SEC14L1: variants seen among roughly 807,000 people sequenced by gnomAD.
SEC14L1 encodes SEC14-like protein 1.
SEC14L1 carries 48 observed loss-of-function variants against 85.3 expected under a neutral mutation model. The observed-to-expected ratio is 0.56, with a 90% CI of 0.45 to 0.72. The LOEUF (loss-of-function observed/expected upper bound fraction) is 0.72. SEC14L1 is among the 30% of genes least tolerant of loss of function. The pLI, the probability that SEC14L1 is intolerant of heterozygous loss-of-function variation, is 0.00. For synonymous variants in SEC14L1, 391 were observed against 355.5 expected, an observed-to-expected ratio of 1.10 and a Z score of -1.12; for missense variants, 682 against 921.4, an observed-to-expected ratio of 0.74 and a Z score of 3.36.
intron 7 of SEC14L1, among the ~76,000 whole-genome samples, chr17:77,195,645 G>A (rs1398864886): frequency 1.3e-5 from 2 of 151,916 alleles, no homozygotes; most frequent in Admixed American, 6.6e-5. Flanking sequence ...GCACCGCCAC[G>A]CCTGACTAAT....
At chr17:77,121,850 C>T (rs755050388) in intron 3 of SEC14L1, among the ~76,000 whole-genome samples, 16 of 152,224 alleles carry the variant, frequency 1.1e-4, no homozygotes, top group African/African-American at 2.4e-4. Flanking sequence ...TCCAGGCCAA[C>T]GCTGCCTGCA....
At chr17:77,201,363 C>T (rs906662256) in intron 9 of SEC14L1, among the ~76,000 whole-genome samples, 5 of 152,106 alleles carry the variant, frequency 3.3e-5, no homozygotes, top group African/African-American at 9.7e-5. Context: ...CAAGTCCTTG[C>T]AGAACCGAGC....
chr17:77,101,820 AT>A (rs1971784728), intron 3 of SEC14L1, among the ~76,000 whole-genome samples: 1 of 152,200 alleles, frequency 6.6e-6, no homozygotes, highest in Non-Finnish European at 1.5e-5. Context: ...GGTGGTGCTC[AT>A]TTACACGTTG....
Position 77,108,787 on chromosome 17 carries a change from CAAA to C in SEC14L1, c.-136+15456_-136+15458del, listed in dbSNP as rs60644460. Reference sequence around the variant, plus strand: ...GTATATATACATTCATCTCTGTCTCCAAAAAAAAAAAAAAAAAAGAATGTATAT... The same window carrying C: ...GTATATATACATTCATCTCTGTCTCCAAAAAAAAAAAAAAAGAATGTATAT... On this transcript the variant is annotated intron_variant, in intron 3 of 19. Transcript: ENST00000392476. 9.5e-3 allele frequency among the ~76,000 whole-genome samples: 1,078 copies of C among 113,054 alleles called. 13 individuals carry two copies. Among genetic ancestry groups the C allele is most frequent in the African/African-American group, 0.031 (932 of 29,616 alleles). 74.2% of individuals were successfully genotyped at this position (113,054 alleles called of 152,430 possible). A position where few individuals can be genotyped will look rare whatever the true frequency, so the allele number is the denominator to read the frequency against.
At chr17:77,186,968 A>C (rs988771483) in intron 3 of SEC14L1, among the ~76,000 whole-genome samples, 10 of 152,106 alleles carry the variant, frequency 6.6e-5, no homozygotes, top group African/African-American at 2.4e-4. Flanking sequence ...CACAGTTCTA[A>C]CCTCGCCTCA....
At chr17:77,138,077 C>T (rs1232154943), upstream of SEC14L1, among the ~76,000 whole-genome samples, 7 of 151,924 alleles carry the variant, frequency 4.6e-5, no homozygotes, top group East Asian at 1.9e-4. Flanking sequence ...CATAGGGAGT[C>T]GGAGCTGTCT....
intron 3 of SEC14L1, among the ~76,000 whole-genome samples, chr17:77,130,785 T>G (rs1489819911): frequency 6.6e-6 from 1 of 152,030 alleles, no homozygotes; most frequent in Non-Finnish European, 1.5e-5. Flanking sequence ...TTTTGTATTT[T>G]TGTAAAGACA....
chr17:77,146,535 A>G (rs1466962863), intron 3 of SEC14L1, among the ~76,000 whole-genome samples: 1 of 152,220 alleles, frequency 6.6e-6, no homozygotes, highest in Non-Finnish European at 1.5e-5. Context: ...AGTTTTTACA[A>G]TTAAACCATT....
chr17:77,096,505 C>A (rs914755916), intron 3 of SEC14L1, among the ~76,000 whole-genome samples: 1 of 151,370 alleles, frequency 6.6e-6, no homozygotes, highest in Admixed American at 6.6e-5. Flanking sequence ...TGCAGTGAGC[C>A]GAGATAGCGC....
chr17:77,204,526 T>A lies in SEC14L1; in HGVS notation c.1099-750T>A, dbSNP rs976121270. 7.3e-3 allele frequency among the ~76,000 whole-genome samples: 1,012 copies of A among 138,530 alleles called. 19 individuals carry two copies. The highest frequency in any genetic ancestry group is 0.027 in the African/African-American group (964 of 35,218). 90.9% of individuals were successfully genotyped at this position (138,530 alleles called of 152,430 possible). A position where few individuals can be genotyped will look rare whatever the true frequency, so the allele number is the denominator to read the frequency against. ...TGAGCCACCCTGCCCAGCCAGCTTTTTTTTTTTTTTTTTTTTTTTTTTTAA... is the reference window on the plus strand; with the variant it reads ...TGAGCCACCCTGCCCAGCCAGCTTTATTTTTTTTTTTTTTTTTTTTTTTAA... On this transcript the variant is annotated intron_variant, in intron 10 of 16. Transcript: ENST00000436233.
In SEC14L1 at chr17:77,191,166, C is replaced by CT. The variant is rs374507200; in HGVS notation, c.214-5dup. On this transcript the variant is annotated splice_polypyrimidine_tract_variant and intron_variant, in intron 4 of 16. Transcript: ENST00000436233. ...GTTATTAATAAACCCATTTCTCTTT[C>CT]TTTTTTTTTTGAAGATTGCAGGAGT... The CT allele has an allele frequency of 4.8e-3, 6,662 of 1,393,656 alleles. 18 individuals are homozygous for CT. The highest frequency in any genetic ancestry group is 0.029 in the African/African-American group (1,988 of 69,198). The allele number at this position is 1,393,656 out of a possible 1,614,324, so 86.3% of individuals were successfully genotyped here.
At chr17:77,183,240 T>G (rs771123483) in intron 3 of SEC14L1, among the ~76,000 whole-genome samples, 2 of 152,270 alleles carry the variant, frequency 1.3e-5, no homozygotes, top group Non-Finnish European at 2.9e-5. Context: ...TTCCAAACTT[T>G]TTATTATGAG....
In SEC14L1 at chr17:77,193,536, G is replaced by A. The variant is rs1253237578; in HGVS notation, c.461G>A (p.Ser154Asn). 6.2e-7 allele frequency: 1 copy of A among 1,610,346 alleles called. No individual in the cohort carries two copies. The highest frequency in any genetic ancestry group is 1.1e-5 in the South Asian group (1 of 90,378). The change falls in exon 6 of 17, where the codon AGC (serine) becomes AAC (asparagine). Residue 154 changes from serine (S) to asparagine (N), a missense_variant. This residue lies in a region of SEC14L1 where 139 missense variants were observed against 201.3 expected (regional missense o/e 0.69). Transcript: ENST00000436233. Reference sequence around the variant, plus strand: ...AAAATTGCAATGAAACAATATACCAGCAACATTAAAAAAGTGAGTGTATCT... The same window carrying A: ...AAAATTGCAATGAAACAATATACCAACAACATTAAAAAAGTGAGTGTATCT... ...VEKIAMKQYT[S>N]NIKKGKEIIE...
chr17:77,213,113 C>T lies in SEC14L1; in HGVS notation c.1864-201C>T, dbSNP rs1370175575. ...TTGTCCCTCCGGGCTTCCCAGCACC[C>T]GGGAGTGACCACACTCAGTAGAGGG... On this transcript the variant is annotated intron_variant, in intron 15 of 16. Transcript: ENST00000436233. This position sits in a 1 kb window ranked among gnomAD's most constrained non-coding sequence, Gnocchi z 7.1. 6.6e-6 allele frequency among the ~76,000 whole-genome samples: 1 copy of T among 152,246 alleles called. No homozygotes were observed. Among genetic ancestry groups the T allele is most frequent in the Non-Finnish European group, 1.5e-5 (1 of 68,038 alleles).
chr17:77,111,049 C>T (rs775079265), intron 3 of SEC14L1, among the ~76,000 whole-genome samples: 3 of 149,208 alleles, frequency 2.0e-5, no homozygotes, highest in Admixed American at 6.7e-5. Flanking sequence ...AAAAATTAGC[C>T]GGGTATGGTG....
chr17:77,200,616 A>AC lies in SEC14L1; in HGVS notation c.956dup (p.Pro320SerfsTer53). 1 of 1,613,882 alleles carries AC rather than the reference A, an allele frequency of 6.2e-7. No homozygotes were observed. Among genetic ancestry groups the AC allele is most frequent in the Non-Finnish European group, 8.5e-7 (1 of 1,179,962 alleles). On this transcript the variant is annotated frameshift_variant, in exon 9 of 17. Transcript: ENST00000436233. LOFTEE classifies it high-confidence loss of function. ...GGTAGACTACATTCTTGAAACCTGGACCCCTCCTCAGGTCCTTCAGGATTA... is the reference window on the plus strand; with the variant it reads ...GGTAGACTACATTCTTGAAACCTGGACCCCCTCCTCAGGTCCTTCAGGATTA...
At chr17:77,114,632 C>G (rs1384656892) in intron 3 of SEC14L1, among the ~76,000 whole-genome samples, 1 of 150,934 alleles carries the variant, frequency 6.6e-6, no homozygotes, top group Admixed American at 6.6e-5. Context: ...GTCGGGAGTT[C>G]GAGACCAGCC....
chr17:77,151,223 A>G (rs139887056), intron 3 of SEC14L1, among the ~76,000 whole-genome samples: 173 of 152,216 alleles, frequency 1.1e-3, no homozygotes, highest in African/African-American at 2.7e-3. Flanking sequence ...CCTATGACAT[A>G]TAAAAGGACC....
chr17:77,160,191 T>C (rs1973998904), intron 3 of SEC14L1, among the ~76,000 whole-genome samples: 1 of 152,242 alleles, frequency 6.6e-6, no homozygotes, highest in Non-Finnish European at 1.5e-5. Flanking sequence ...CCATAGCTCA[T>C]TGCATTCCTT....
Sources: gnomAD v4.1 joint callset for allele counts (sites outside exome capture counted in the v4.1 genomes callset) on GRCh38, gnomAD v4.1.1 for gene constraint, gnomAD v4.1.1 regional missense constraint, Gnocchi (gnomAD v3.1) non-coding constraint, MANE v1.5 for transcripts, NCBI Gene and HGNC (gene_info 2026-07-23, HGNC 2026-07-21) for gene names.